Variants in CXXC1 observed in about 807,000 individuals in gnomAD.
The protein encoded by CXXC1 is CXXC finger protein 1, also known as CXXC-type zinc finger protein 1.
Under a neutral mutation model 83.6 loss-of-function variants are expected in CXXC1, and 21 were observed. That is an observed-to-expected ratio of 0.25 (90% confidence interval 0.18 to 0.36). CXXC1 has a LOEUF of 0.36. CXXC1 is among the 10% of genes least tolerant of loss of function. The pLI, the probability that CXXC1 is intolerant of heterozygous loss-of-function variation, is 1.00. For missense variants in CXXC1, 688 were observed against 919.5 expected (o/e 0.75, Z 3.26); for synonymous variants, 371 against 337.5 (o/e 1.10, Z -1.09).
At position 50,285,167 on chromosome 18, in the gene CXXC1, C is replaced by T. The variant is rs534935505; in HGVS notation, c.747G>A (p.Gln249=). 5.0e-6 allele frequency: 8 copies of T among 1,614,244 alleles called. No individual in the cohort carries two copies. The highest frequency in any genetic ancestry group is 1.3e-5 in the African/African-American group (1 of 75,066). Residue 249 remains glutamine (Q), a synonymous_variant, in exon 7 of 15, where the codon CAG becomes CAA. Transcript: ENST00000285106. The surrounding 1 kb of genome is among the most constrained non-coding windows in gnomAD (Gnocchi z 4.4). The part of the protein sequence containing the change: ...LPTQQQPQPS[Q]KLGRIREDEG... ...CATCTTCACGGATGCGCCCTAACTT[C>T]TGTGATGGCTGTGGCTGCTGTTGGG...
rs3753066 is a variant in CXXC1, at chr18:50,287,546, C to A, written c.3+41G>T. Reference sequence around the variant, plus strand: ...ACAGACCCCACTGTTGCCAACCGACCGACCTCCACCGCCGAACCCCTCCCT... The same window carrying A: ...ACAGACCCCACTGTTGCCAACCGACAGACCTCCACCGCCGAACCCCTCCCT... On this transcript the variant is annotated intron_variant, in intron 1 of 14. Transcript: ENST00000285106. The A allele has an allele frequency of 4.9e-3, 7,866 of 1,611,148 alleles. 207 individuals are homozygous for A. The East Asian group carries it at 0.074, about 15-fold the overall frequency.
intron 3 of CXXC1, 47 bp from the exon 4 acceptor site, chr18:50,286,304 T>C (rs757129070): frequency 2.0e-6 from 3 of 1,506,824 alleles, no homozygotes; most frequent in Non-Finnish European, 2.7e-6. Context: ...CTGGATGGCT[T>C]GAATGGTCCC....
chr18:50,284,029 G>C lies in CXXC1; in HGVS notation c.1278C>G (p.Gly426=). The C allele has an allele frequency of 1.2e-6, 2 of 1,612,334 alleles. No homozygotes were observed. Among genetic ancestry groups the C allele is most frequent in the Non-Finnish European group, 1.7e-6 (2 of 1,180,008 alleles). The change falls in exon 10 of 15, where the codon GGC becomes GGG. Residue 426 remains glycine, a synonymous_variant. Transcript: ENST00000285106. ...QQSPCIAEEH[G]KKLLERIRRE... is the part of the protein sequence containing the mutation. ...GGCGAATGCGTTCGAGCAGCTTCTT[G>C]CCGTGCTCTTCAGCAATGCAAGGGC...
chr18:50,284,659 T>C (rs2040683980), intron 8 of CXXC1, 73 bp downstream of exon 8: 4 of 1,609,566 alleles, frequency 2.5e-6, no homozygotes, highest in Non-Finnish European at 3.4e-6. Context: ...CTTGCCCCAT[T>C]CAGCCTCTGA....
At chr18:50,284,903 T>G (rs2149298488) in intron 7 of CXXC1, 64 bp from the exon 8 acceptor site, 1 of 1,612,914 alleles carries the variant, frequency 6.2e-7, no homozygotes, top group Non-Finnish European at 8.5e-7. Context: ...CCTACTCATG[T>G]CCCATATCAG....
chr18:50,284,877 C>T (rs377405896), intron 7 of CXXC1, 38 bp from the exon 8 acceptor site: 69 of 1,613,382 alleles, frequency 4.3e-5, no homozygotes, highest in Non-Finnish European at 5.2e-5. Context: ...CTGCCCCGCT[C>T]GTGACAACCC....
intron 3 of CXXC1, 24 bp downstream of exon 3, chr18:50,286,515 T>G (rs759201368): frequency 2.0e-5 from 32 of 1,601,932 alleles, no homozygotes; most frequent in Non-Finnish European, 2.6e-5. Flanking sequence ...CCACCTGCCT[T>G]CCCTGTCCAT....
At position 50,285,151 on chromosome 18, in the gene CXXC1, G is replaced by T; in HGVS notation, c.763C>A (p.Arg255Ser). 6.2e-7 allele frequency: 1 copy of T among 1,614,218 alleles called. No homozygotes were observed. Among genetic ancestry groups the T allele is most frequent in the Non-Finnish European group, 8.5e-7 (1 of 1,180,032 alleles). ...PQPSQKLGRIREDEGAVASST... is the reference protein window; with the variant it reads ...PQPSQKLGRISEDEGAVASST... ...GACGCCACTGCCCCCTCATCTTCAC[G>T]GATGCGCCCTAACTTCTGTGATGGC... Residue 255 changes from arginine to serine, a missense_variant, in exon 7 of 15, where the codon CGT becomes AGT. Transcript: ENST00000285106. This position sits in a 1 kb window ranked among gnomAD's most constrained non-coding sequence, Gnocchi z 4.4.
intron 1 of CXXC1, chr18:50,287,119 C>T: frequency 3.7e-6 from 2 of 538,698 alleles, no homozygotes; most frequent in Non-Finnish European, 6.7e-6. Context: ...GTCATGGCGA[C>T]CCTCCATCGT....
chr18:50,286,805 G>A lies in CXXC1; in HGVS notation c.57C>T (p.Ser19=), dbSNP rs768358027. 1.2e-5 allele frequency: 19 copies of A among 1,613,964 alleles called. No individual in the cohort carries two copies. The highest frequency in any genetic ancestry group is 6.7e-5 in the Admixed American group (4 of 60,012). The change falls in exon 2 of 15, where the codon TCC becomes TCT. Residue 19 remains serine, a synonymous_variant. Coordinates refer to ENST00000285106, the MANE Select transcript of CXXC1 (RefSeq NM_014593.4). ...EPPDAGEDSK[S]ENGENAPIYC... ...AGATGGGCGCATTCTCCCCATTCTC[G>A]GACTTGCTGTCCTCCCCGGCATCTG... is the stretch of plus-strand genomic sequence containing the variant.
rs763068538 is a variant in CXXC1 at position 50,284,759 on chromosome 18, C to T, written c.993G>A (p.Lys331=). Reference sequence around the variant, plus strand: ...TCTTCTCAGACTTCTTCTCCCGACGCTTCACATGCTTCACTTTCACTGCCC... The same window carrying T: ...TCTTCTCAGACTTCTTCTCCCGACGTTTCACATGCTTCACTTTCACTGCCC... ...RKRAVKVKHV[K]RREKKSEKKK... Residue 331 remains lysine (K), a synonymous_variant, in exon 8 of 15, where the codon AAG becomes AAA. Coordinates refer to ENST00000285106, the MANE Select transcript of CXXC1 (RefSeq NM_014593.4). 1 of 1,614,176 alleles carries T rather than the reference C, an allele frequency of 6.2e-7. No individual in the cohort carries two copies. The highest frequency in any genetic ancestry group is 8.5e-7 in the Non-Finnish European group (1 of 1,180,022).
chr18:50,284,995 T>G lies in CXXC1; in HGVS notation c.912+7A>C. The G allele has an allele frequency of 6.2e-7, 1 of 1,614,108 alleles. No individual in the cohort carries two copies. The highest frequency in any genetic ancestry group is 8.5e-7 in the Non-Finnish European group (1 of 1,179,982). ...CCTTCCACCAGTGGATGCTCCTGTC[T>G]GCTCACCAGGCCATGGTCATCAAAG... On this transcript the variant is annotated splice_region_variant and intron_variant, in intron 7 of 14. Transcript: ENST00000285106.
At chr18:50,284,298 A>G (rs536690344) in intron 9 of CXXC1, 80 bp downstream of exon 9, 3 of 1,518,632 alleles carry the variant, frequency 2.0e-6, no homozygotes, top group African/African-American at 2.8e-5. Flanking sequence ...TAGCTGATTG[A>G]CTGGTAGACA....
chr18:50,287,552 C>G (rs776897207), intron 1 of CXXC1, 35 bp downstream of exon 1: 12 of 1,612,000 alleles, frequency 7.4e-6, no homozygotes, highest in Non-Finnish European at 1.0e-5. Context: ...CGACCGACCT[C>G]CACCGCCGAA....
chr18:50,285,527 C>G lies in CXXC1; in HGVS notation c.640-176G>C. The G allele has an allele frequency of 1.0e-6, 1 of 952,618 alleles. No homozygotes were observed. Among genetic ancestry groups the G allele is most frequent in the Non-Finnish European group, 1.5e-6 (1 of 646,094 alleles). The allele number at this position is 952,618 out of a possible 1,614,324, so 59.0% of individuals were successfully genotyped here. A position where few individuals can be genotyped will look rare whatever the true frequency, so the allele number is the denominator to read the frequency against. On this transcript the variant is annotated intron_variant, in intron 5 of 14. Coordinates refer to ENST00000285106, the MANE Select transcript of CXXC1 (RefSeq NM_014593.4). This position sits in a 1 kb window ranked among gnomAD's most constrained non-coding sequence, Gnocchi z 4.4. ...ACCAACATGCATGACCACCTGAAAA[C>G]ACCTGGCCCCACTCTGTCTACCCAG...
Position 50,282,838 on chromosome 18 carries a change from C to G in CXXC1, c.1824+16G>C. The G allele has an allele frequency of 6.2e-7, 1 of 1,613,776 alleles. No homozygotes were observed. ...AAACCTACCACATGCAGCACCAAAA[C>G]CGCACAGAAACCTACCACACGCACG... On this transcript the variant is annotated intron_variant, in intron 14 of 14. Transcript: ENST00000285106. This position sits in a 1 kb window ranked among gnomAD's most constrained non-coding sequence, Gnocchi z 5.8.
Position 50,285,697 on chromosome 18 carries a change from G to T in CXXC1, c.639+52C>A, listed in dbSNP as rs73434071. On this transcript the variant is annotated intron_variant, in intron 5 of 14. Coordinates refer to ENST00000285106, the MANE Select transcript of CXXC1 (RefSeq NM_014593.4). This position sits in a 1 kb window ranked among gnomAD's most constrained non-coding sequence, Gnocchi z 4.4. ...TGCCTAGACTTAACTAACCATGCAT[G>T]GACCCACCAGCTCTCCCACACCTGA... The T allele has an allele frequency of 1.5e-3, 2,321 of 1,590,970 alleles. 26 individuals carry two copies. The African/African-American group carries it at 0.028, about 19-fold the overall frequency.
In CXXC1 at chr18:50,285,694, C is replaced by T; in HGVS notation, c.639+55G>A. ...CCATGCCTAGACTTAACTAACCATG[C>T]ATGGACCCACCAGCTCTCCCACACC... On this transcript the variant is annotated intron_variant, in intron 5 of 14. Coordinates refer to ENST00000285106, the MANE Select transcript of CXXC1 (RefSeq NM_014593.4). This position sits in a 1 kb window ranked among gnomAD's most constrained non-coding sequence, Gnocchi z 4.4. 1 of 1,587,280 alleles carries T rather than the reference C, an allele frequency of 6.3e-7. No homozygotes were observed. The highest frequency in any genetic ancestry group is 8.6e-7 in the Non-Finnish European group (1 of 1,168,726).
chr18:50,287,630 G>T lies in CXXC1; in HGVS notation c.-41C>A. The stretch of plus-strand genomic sequence containing the variant: ...GCACTCCCTCACGACCCCCGCCAGC[G>T]ACCCGCGAACCTGCACAGACCACTC... On this transcript the variant is annotated 5_prime_UTR_variant, in exon 1 of 15. Coordinates refer to ENST00000285106, the MANE Select transcript of CXXC1 (RefSeq NM_014593.4). The T allele has an allele frequency of 6.2e-7, 1 of 1,608,618 alleles. No homozygotes were observed. Among genetic ancestry groups the T allele is most frequent in the Non-Finnish European group, 8.5e-7 (1 of 1,179,720 alleles).
Sources: gnomAD v4.1 joint callset for allele counts on GRCh38, gnomAD v4.1.1 for gene constraint, Gnocchi (gnomAD v3.1) non-coding constraint, MANE v1.5 for transcripts, NCBI Gene and HGNC (gene_info 2026-07-23, HGNC 2026-07-21) for gene names.